WNT4: variants seen among roughly 807,000 people sequenced by gnomAD.
WNT4 encodes the protein protein Wnt-4.
A neutral mutation model predicts 34.5 loss-of-function variants in WNT4; 16 were observed. The observed-to-expected ratio is 0.46, with a 90% confidence interval of 0.31 to 0.70. WNT4 has a LOEUF of 0.70. Ranked by LOEUF, WNT4 falls within the 30% of genes least tolerant of loss-of-function variation. The probability of loss-of-function intolerance (pLI) is 0.04; values close to 1 mark genes in which losing one functional copy is unlikely to be tolerated. For missense variants in WNT4, 379 were observed against 495.9 expected (o/e 0.76, Z 2.24); for synonymous variants, 200 against 211.9 (o/e 0.94, Z 0.49).
chr1:22,121,253 G>T lies in WNT4; in HGVS notation c.546C>A (p.Ser182Arg). ...TGTTGTGGAGGTTCATGAGGGCTCT[G>T]CTGGACGAGGCCCCCTTGCTTCTCT... ...VRERSKGASSSRALMNLHNNE... is the reference protein window; with the variant it reads ...VRERSKGASSRRALMNLHNNE... Residue 182 changes from serine (S) to arginine (R), a missense_variant, in exon 4 of 5, where the codon AGC becomes AGA. Ser to Arg is a moderately radical substitution (Grantham distance 110). Coordinates refer to ENST00000290167, the MANE Select transcript of WNT4 (RefSeq NM_030761.5). 1 of 1,614,136 alleles carries T rather than the reference G, an allele frequency of 6.2e-7. No individual in the cohort carries two copies. Among genetic ancestry groups the T allele is most frequent in the Non-Finnish European group, 8.5e-7 (1 of 1,180,028 alleles).
At chr1:22,130,001 C>T in intron 1 of WNT4, 150 bp from the exon 2 acceptor site, 1 of 895,510 alleles carries the variant, frequency 1.1e-6, no homozygotes, top group Non-Finnish European at 1.8e-6. Flanking sequence ...CAGTTACAGG[C>T]CCTCTTGCCC....
intron 1 of WNT4, among the ~76,000 whole-genome samples, chr1:22,135,584 C>G (rs1488665304): frequency 6.6e-6 from 1 of 152,084 alleles, no homozygotes; most frequent in Non-Finnish European, 1.5e-5. Flanking sequence ...GTGCTGGGGA[C>G]AGATGTCTGG....
In WNT4 at chr1:22,137,583, G is replaced by A. The variant is rs370845097; in HGVS notation, c.77+5263C>T. ...TGTACCCACAGAGCCTGAGTTGGGC[G>A]AGTTTCAACAGGTTTGGGGAGCACT... On this transcript the variant is annotated intron_variant, in intron 1 of 4. Transcript: ENST00000290167. The surrounding 1 kb of genome is among the most constrained non-coding windows in gnomAD (Gnocchi z 5.3). 1.1e-4 allele frequency among the ~76,000 whole-genome samples: 17 copies of A among 152,340 alleles called. No individual in the cohort carries two copies. Among genetic ancestry groups the A allele is most frequent in the African/African-American group, 3.4e-4 (14 of 41,588 alleles).
At chr1:22,127,080 G>A (rs543244998) in intron 2 of WNT4, 7 of 349,718 alleles carry the variant, frequency 2.0e-5, no homozygotes, top group South Asian at 8.7e-5. Flanking sequence ...AACCAAAAAC[G>A]TAAAAGGGAG....
chr1:22,135,724 C>T (rs1646016773), intron 1 of WNT4, among the ~76,000 whole-genome samples: 1 of 152,130 alleles, frequency 6.6e-6, no homozygotes, highest in South Asian at 2.1e-4. Context: ...TGGTGGTTTG[C>T]AGGGCAGTGG....
chr1:22,129,090 C>T (rs1645962355), intron 2 of WNT4, among the ~76,000 whole-genome samples: 1 of 152,198 alleles, frequency 6.6e-6, no homozygotes, highest in Non-Finnish European at 1.5e-5. Flanking sequence ...TTCTGTGCAT[C>T]CCTGTATCTC....
intron 2 of WNT4, 141 bp from the exon 3 acceptor site, chr1:22,121,717 C>T (rs1645900162): frequency 1.1e-5 from 15 of 1,328,848 alleles, no homozygotes; most frequent in Non-Finnish European, 1.4e-5. Context: ...ATGTGCTAGG[C>T]ACCCCACGGC....
rs140563121 is a variant in WNT4 at position 22,120,606 on chromosome 1, G to T, written c.589-89C>A. 85 of 1,358,076 alleles carry T rather than the reference G, an allele frequency of 6.3e-5. No individual in the cohort carries two copies. In the East Asian group the frequency reaches 1.8e-3, roughly 28 times the overall value. The allele number at this position is 1,358,076 out of a possible 1,614,324, so 84.1% of individuals were successfully genotyped here. A position where few individuals can be genotyped will look rare whatever the true frequency, so the allele number is the denominator to read the frequency against. On this transcript the variant is annotated intron_variant, in intron 4 of 4. Transcript: ENST00000290167. The stretch of plus-strand genomic sequence containing the variant: ...CGGAGGCTGACAGCCGAGCATCGGG[G>T]TCCCTGGGGCTGACGCTGCAGTCAG...
chr1:22,138,861 T>C (rs1269263311), intron 1 of WNT4, among the ~76,000 whole-genome samples: 1 of 152,096 alleles, frequency 6.6e-6, no homozygotes, highest in Non-Finnish European at 1.5e-5. Flanking sequence ...CCAAGGGAGA[T>C]ATAAACTGTC....
At chr1:22,133,537 G>C (rs918470320) in intron 1 of WNT4, among the ~76,000 whole-genome samples, 2 of 152,230 alleles carry the variant, frequency 1.3e-5, no homozygotes, top group African/African-American at 4.8e-5. Context: ...GCCAGGGCGT[G>C]ATGGGTGGGC....
intron 2 of WNT4, chr1:22,127,115 A>AG: frequency 2.7e-6 from 1 of 366,948 alleles, no homozygotes; most frequent in Non-Finnish European, 5.6e-6. Flanking sequence ...GGCAGAGCTC[A>AG]GCCTCCTTCT....
intron 1 of WNT4, among the ~76,000 whole-genome samples, chr1:22,136,964 T>A (rs11805891): frequency 2.7e-4 from 41 of 152,160 alleles, no homozygotes; most frequent in South Asian, 1.2e-3. Flanking sequence ...ATTTCAGGGC[T>A]TGTGTGTGAA....
rs1646084158 is a variant in WNT4 at position 22,142,961 on chromosome 1, G to A, written c.-39C>T. ...GCGCCCGGCCCGGGGCAGCGGCTGC[G>A]GCCGCGGGGGGCCTCCCGTCGGGGC... On this transcript the variant is annotated 5_prime_UTR_variant, in exon 1 of 5. Transcript: ENST00000290167. This position sits in a 1 kb window ranked among gnomAD's most constrained non-coding sequence, Gnocchi z 6.0. The A allele has an allele frequency of 4.0e-6, 4 of 1,006,676 alleles. No homozygotes were observed. The highest frequency in any genetic ancestry group is 6.1e-5 in the Admixed American group (1 of 16,460). 62.4% of individuals were successfully genotyped at this position (1,006,676 alleles called of 1,614,324 possible).
Position 22,137,535 on chromosome 1 carries a change from G to C in WNT4, c.77+5311C>G, listed in dbSNP as rs566330449. Among the ~76,000 whole-genome samples the C allele has an allele frequency of 6.6e-6, 1 of 152,234 alleles. No individual in the cohort carries two copies. The highest frequency in any genetic ancestry group is 2.1e-4 in the South Asian group (1 of 4,836). On this transcript the variant is annotated intron_variant, in intron 1 of 4. Coordinates refer to ENST00000290167, the MANE Select transcript of WNT4 (RefSeq NM_030761.5). This position sits in a 1 kb window ranked among gnomAD's most constrained non-coding sequence, Gnocchi z 5.3. Reference sequence around the variant, plus strand: ...GGCAGGAACAAGAGGAGGAGGCTTGGTGCAAATGCTCAGCTTTCCCAGTGT... The same window carrying C: ...GGCAGGAACAAGAGGAGGAGGCTTGCTGCAAATGCTCAGCTTTCCCAGTGT...
intron 2 of WNT4, among the ~76,000 whole-genome samples, chr1:22,124,746 A>T (rs1018720926): frequency 2.0e-5 from 3 of 152,188 alleles, no homozygotes; most frequent in African/African-American, 7.2e-5. Flanking sequence ...AAGGAAGGAT[A>T]TTCAAGCAGT....
At chr1:22,130,146 C>T (rs1227431028) in intron 1 of WNT4, among the ~76,000 whole-genome samples, 1 of 152,194 alleles carries the variant, frequency 6.6e-6, no homozygotes, top group Non-Finnish European at 1.5e-5. Context: ...CCCTGGCAGC[C>T]CCCGTGCCAC....
At chr1:22,136,463 C>T (rs931768632) in intron 1 of WNT4, among the ~76,000 whole-genome samples, 4 of 152,192 alleles carry the variant, frequency 2.6e-5, no homozygotes, top group Middle Eastern at 3.2e-3. Flanking sequence ...CAGTGCTGGC[C>T]TCCTGGAGTG....
Position 22,142,795 on chromosome 1 carries a change from C to A in WNT4, c.77+51G>T. The A allele has an allele frequency of 1.9e-6, 2 of 1,079,364 alleles. No homozygotes were observed. Among genetic ancestry groups the A allele is most frequent in the South Asian group, 2.2e-5 (1 of 45,202 alleles). 66.9% of individuals were successfully genotyped at this position (1,079,364 alleles called of 1,614,324 possible). A position where few individuals can be genotyped will look rare whatever the true frequency, so the allele number is the denominator to read the frequency against. On this transcript the variant is annotated intron_variant, in intron 1 of 4. Coordinates refer to ENST00000290167, the MANE Select transcript of WNT4 (RefSeq NM_030761.5). This position sits in a 1 kb window ranked among gnomAD's most constrained non-coding sequence, Gnocchi z 6.0. The stretch of plus-strand genomic sequence containing the variant: ...CGCCGCCTGGCACCGGCCGCTGCCC[C>A]CGGGGCCTGCCCCGCCCCGCCCCGC...
At chr1:22,130,765 C>T (rs1645977127) in intron 1 of WNT4, among the ~76,000 whole-genome samples, 1 of 152,132 alleles carries the variant, frequency 6.6e-6, no homozygotes, top group African/African-American at 2.4e-5. Flanking sequence ...CTGACACTGG[C>T]CCGAGGCAAT....
Sources: gnomAD v4.1 joint callset for allele counts (sites outside exome capture counted in the v4.1 genomes callset) on GRCh38, gnomAD v4.1.1 for gene constraint, Gnocchi (gnomAD v3.1) non-coding constraint, MANE v1.5 for transcripts, NCBI Gene and HGNC (gene_info 2026-07-23, HGNC 2026-07-21) for gene names.